The following GNB1 variants were observed in gnomAD, a reference collection of about 807,000 sequenced individuals.
GNB1 encodes guanine nucleotide-binding protein G(I)/G(S)/G(T) subunit beta-1.
A neutral mutation model predicts 42.9 loss-of-function variants in GNB1; 2 were observed. The observed-to-expected ratio is 0.05, with a 90% CI of 0.02 to 0.15. The LOEUF is 0.15. Ranked by LOEUF, GNB1 falls within the 10% of genes least tolerant of loss-of-function variation. The pLI, the probability that GNB1 is intolerant of heterozygous loss-of-function variation, is 1.00. For missense variants in GNB1, 193 were observed against 462.2 expected, an observed-to-expected ratio of 0.42 and a Z score of 5.34; for synonymous variants, 183 against 174.7, an observed-to-expected ratio of 1.05 and a Z score of -0.38.
At chr1:1,868,997 A>T (rs981033839) in intron 1 of GNB1, among the ~76,000 whole-genome samples, 1 of 151,408 alleles carries the variant, frequency 6.6e-6, no homozygotes. Context: ...ATCTTGGCTA[A>T]CAAGGTGAAA....
At chr1:1,832,971 A>G (rs560536745) in intron 2 of GNB1, among the ~76,000 whole-genome samples, 2 of 152,358 alleles carry the variant, frequency 1.3e-5, no homozygotes, top group Admixed American at 6.5e-5. Context: ...CACAGTGATT[A>G]AACTATGACG....
intron 1 of GNB1, among the ~76,000 whole-genome samples, chr1:1,884,843 C>T (rs1232475828): frequency 6.6e-6 from 1 of 151,616 alleles, no homozygotes; most frequent in Non-Finnish European, 1.5e-5. Context: ...CCACCACGCC[C>T]GGCTAATTTT....
chr1:1,838,975 A>G (rs1647186799), intron 2 of GNB1, among the ~76,000 whole-genome samples: 1 of 152,156 alleles, frequency 6.6e-6, no homozygotes, highest in African/African-American at 2.4e-5. Flanking sequence ...CAGGGTATTG[A>G]CCAGGCATGC....
chr1:1,789,521 C>T (rs1335421865), intron 9 of GNB1, among the ~76,000 whole-genome samples: 3 of 152,172 alleles, frequency 2.0e-5, no homozygotes, highest in East Asian at 3.9e-4. Flanking sequence ...AGAGAAACCC[C>T]ATCTATACTA....
At chr1:1,856,166 C>T (rs1288595091) in intron 1 of GNB1, among the ~76,000 whole-genome samples, 2 of 152,208 alleles carry the variant, frequency 1.3e-5, no homozygotes, top group Non-Finnish European at 2.9e-5. Flanking sequence ...GGACTAAAGG[C>T]ATGTGCCATC....
chr1:1,868,938 A>G (rs774614964), intron 1 of GNB1, among the ~76,000 whole-genome samples: 1 of 151,616 alleles, frequency 6.6e-6, no homozygotes, highest in Non-Finnish European at 1.5e-5. Flanking sequence ...TAATCCCAAC[A>G]CTTTGGGAGG....
intron 1 of GNB1, among the ~76,000 whole-genome samples, chr1:1,845,612 T>C (rs1378012559): frequency 6.6e-6 from 1 of 151,750 alleles, no homozygotes; most frequent in Non-Finnish European, 1.5e-5. Flanking sequence ...ATAATAATAA[T>C]AATGCTTAAA....
intron 1 of GNB1, among the ~76,000 whole-genome samples, chr1:1,856,580 A>G (rs966926318): frequency 6.6e-6 from 1 of 152,172 alleles, no homozygotes; most frequent in Non-Finnish European, 1.5e-5. Flanking sequence ...GGCACGCGCT[A>G]CGACGCCCAG....
chr1:1,818,777 C>T (rs887079868), intron 3 of GNB1, among the ~76,000 whole-genome samples: 1 of 152,090 alleles, frequency 6.6e-6, no homozygotes. Context: ...GCAGGAGAAT[C>T]ACTTGAACCC....
chr1:1,887,209 G>A (rs1357839043), intron 1 of GNB1, among the ~76,000 whole-genome samples: 1 of 152,154 alleles, frequency 6.6e-6, no homozygotes, highest in Non-Finnish European at 1.5e-5. Context: ...ACCAACATGA[G>A]CCAAATCTTT....
chr1:1,798,143 A>G (rs1646571712), intron 7 of GNB1, among the ~76,000 whole-genome samples: 1 of 152,240 alleles, frequency 6.6e-6, no homozygotes, highest in African/African-American at 2.4e-5. Flanking sequence ...TGAAGATGTG[A>G]AAGTGAGGCT....
intron 5 of GNB1, among the ~76,000 whole-genome samples, chr1:1,812,395 CACACACATACAT>C (rs929236900): frequency 1.2e-5 from 1 of 84,046 alleles, no homozygotes; most frequent in African/African-American, 3.4e-5. Flanking sequence ...TATATATATA[CACACACATACAT>C]ACACACACAC....
In GNB1 at chr1:1,790,287, A is replaced by G. The variant is rs1646464327; in HGVS notation, c.699+108T>C. The G allele has an allele frequency of 3.4e-5, 25 of 744,666 alleles. 1 individual carries two copies. In the South Asian group the frequency reaches 4.1e-4, roughly 12 times the overall value. 46.1% of individuals were successfully genotyped at this position (744,666 alleles called of 1,614,324 possible). A position where few individuals can be genotyped will look rare whatever the true frequency, so the allele number is the denominator to read the frequency against. On this transcript the variant is annotated intron_variant, in intron 9 of 11. Coordinates refer to ENST00000378609, the MANE Select transcript of GNB1 (RefSeq NM_002074.5). This position sits in a 1 kb window ranked among gnomAD's most constrained non-coding sequence, Gnocchi z 5.4. ...TCCCCATCTGTACATGAGGTTGTATAAGGATCAGAAAGGAGAACATCTAAT... is the reference window on the plus strand; with the variant it reads ...TCCCCATCTGTACATGAGGTTGTATGAGGATCAGAAAGGAGAACATCTAAT...
chr1:1,805,180 C>A (rs901765833), intron 6 of GNB1, among the ~76,000 whole-genome samples: 1 of 151,186 alleles, frequency 6.6e-6, no homozygotes. Flanking sequence ...ACAAACAGGC[C>A]GGGTGCGGTG....
chr1:1,846,586 A>G (rs1647680320), intron 1 of GNB1, among the ~76,000 whole-genome samples: 1 of 151,962 alleles, frequency 6.6e-6, no homozygotes, highest in Non-Finnish European at 1.5e-5. Flanking sequence ...CAATCAATCA[A>G]TCAGAGTCTC....
At chr1:1,861,194 T>C (rs1488758000) in intron 1 of GNB1, among the ~76,000 whole-genome samples, 1 of 151,506 alleles carries the variant, frequency 6.6e-6, no homozygotes, top group African/African-American at 2.4e-5. Context: ...CAGTGGCTCA[T>C]GCCCATAATC....
chr1:1,886,311 C>T (rs1650155169), intron 1 of GNB1, among the ~76,000 whole-genome samples: 1 of 152,020 alleles, frequency 6.6e-6, no homozygotes, highest in Admixed American at 6.6e-5. Context: ...GAGTGGGACT[C>T]TGTCTCACAA....
chr1:1,848,078 T>A (rs1647769128), intron 1 of GNB1, among the ~76,000 whole-genome samples: 1 of 151,914 alleles, frequency 6.6e-6, no homozygotes, highest in African/African-American at 2.4e-5. Flanking sequence ...CAGAAACTTT[T>A]TTAGAGAAAT....
chr1:1,830,547 C>T (rs747721987), intron 2 of GNB1, among the ~76,000 whole-genome samples: 3 of 152,034 alleles, frequency 2.0e-5, no homozygotes, highest in Non-Finnish European at 2.9e-5. Flanking sequence ...CCGCGCCCAG[C>T]CTTAATGTTA....
Sources: gnomAD v4.1 joint callset for allele counts (sites outside exome capture counted in the v4.1 genomes callset) on GRCh38, gnomAD v4.1.1 for gene constraint, Gnocchi (gnomAD v3.1) non-coding constraint, MANE v1.5 for transcripts, NCBI Gene and HGNC (gene_info 2026-07-23, HGNC 2026-07-21) for gene names.